FOXO1: variants seen among roughly 807,000 people sequenced by gnomAD.
FOXO1 encodes the protein forkhead box O1, also known as forkhead box protein O1.
A neutral mutation model predicts 44.1 loss-of-function variants in FOXO1; 6 were observed. The observed-to-expected ratio is 0.14, with a 90% CI of 0.07 to 0.27. FOXO1 has a LOEUF of 0.27. FOXO1 is among the 10% of genes least tolerant of loss of function. The probability of loss-of-function intolerance (pLI) is 1.00; values close to 1 mark genes in which losing one functional copy is unlikely to be tolerated. For missense variants in FOXO1, 737 were observed against 888.8 expected (o/e 0.83, Z 2.17); for synonymous variants, 380 against 362.7 (o/e 1.05, Z -0.54).
chr13:40,564,686 AAAT>A (rs1237305241), intron 1 of FOXO1, among the ~76,000 whole-genome samples: 1 of 152,160 alleles, frequency 6.6e-6, no homozygotes, highest in Non-Finnish European at 1.5e-5. Flanking sequence ...AACTCTCAAC[AAAT>A]ATTACCTGAG....
At chr13:40,664,037 G>A (rs886949226) in intron 1 of FOXO1, among the ~76,000 whole-genome samples, 4 of 152,244 alleles carry the variant, frequency 2.6e-5, no homozygotes, top group African/African-American at 9.7e-5. Flanking sequence ...CACTTTGGGA[G>A]GCCGAGGCGG....
intron 1 of FOXO1, among the ~76,000 whole-genome samples, chr13:40,630,241 C>T (rs1041065444): frequency 3.3e-5 from 5 of 152,116 alleles, no homozygotes; most frequent in African/African-American, 1.2e-4. Context: ...TCTGATTATA[C>T]AGAAAATCTC....
At chr13:40,591,977 G>C in intron 1 of FOXO1, among the ~76,000 whole-genome samples, 1 of 152,146 alleles carries the variant, frequency 6.6e-6, no homozygotes, top group East Asian at 1.9e-4. Flanking sequence ...AAAGTGCTGA[G>C]ATTACAGACG....
At chr13:40,575,073 G>A (rs138750306) in intron 1 of FOXO1, among the ~76,000 whole-genome samples, 77 of 152,024 alleles carry the variant, frequency 5.1e-4, no homozygotes, top group East Asian at 2.3e-3. Context: ...GGCTCACACC[G>A]GTAATCCCAG....
At chr13:40,573,666 T>C (rs750707519) in intron 1 of FOXO1, among the ~76,000 whole-genome samples, 6 of 152,214 alleles carry the variant, frequency 3.9e-5, no homozygotes, top group Admixed American at 3.9e-4. Flanking sequence ...GACAAGACTA[T>C]CTTTATAAAC....
At chr13:40,592,186 G>A (rs371902733) in intron 1 of FOXO1, among the ~76,000 whole-genome samples, 1 of 152,072 alleles carries the variant, frequency 6.6e-6, no homozygotes, top group South Asian at 2.1e-4. Context: ...ACCAGAATGT[G>A]CAATCCCCAT....
chr13:40,645,446 T>C (rs183162746), intron 1 of FOXO1, among the ~76,000 whole-genome samples: 2 of 152,206 alleles, frequency 1.3e-5, no homozygotes, highest in Admixed American at 1.3e-4. Context: ...TAAGGTGACT[T>C]GCATCATGTT....
At chr13:40,568,544 T>C (rs1246170436) in intron 1 of FOXO1, among the ~76,000 whole-genome samples, 4 of 152,242 alleles carry the variant, frequency 2.6e-5, no homozygotes, top group African/African-American at 9.6e-5. Flanking sequence ...ACATGACCTT[T>C]TGCCAACCCT....
rs532329998 is a variant in FOXO1 at position 40,649,788 on chromosome 13, C to A, written c.630+15795G>T. The stretch of plus-strand genomic sequence containing the variant: ...TGAGAAATTCACCATAAATTATGAG[C>A]TCCATCTGTACTGATATATTCCCTT... On this transcript the variant is annotated intron_variant, in intron 1 of 2. Transcript: ENST00000379561. Among the ~76,000 whole-genome samples the A allele has an allele frequency of 7.9e-5, 12 of 152,314 alleles. No individual in the cohort carries two copies. In the South Asian group the frequency reaches 2.3e-3, roughly 29 times the overall value.
chr13:40,570,369 T>C (rs896091999), intron 1 of FOXO1, among the ~76,000 whole-genome samples: 1 of 148,716 alleles, frequency 6.7e-6, no homozygotes, highest in African/African-American at 2.5e-5. Context: ...GGTCAAGGAG[T>C]GTAAGAACGT....
chr13:40,588,077 T>C (rs1030761503), intron 1 of FOXO1, among the ~76,000 whole-genome samples: 1 of 152,176 alleles, frequency 6.6e-6, no homozygotes, highest in Admixed American at 6.6e-5. Context: ...AAGCCCAGGA[T>C]AGAAAGGATT....
chr13:40,649,188 T>A (rs1227386729), intron 1 of FOXO1, among the ~76,000 whole-genome samples: 1 of 152,240 alleles, frequency 6.6e-6, no homozygotes, highest in African/African-American at 2.4e-5. Context: ...GTTGTCTTCA[T>A]TTCAAATCCA....
chr13:40,616,521 A>G (rs1157221296), intron 1 of FOXO1, among the ~76,000 whole-genome samples: 2 of 152,206 alleles, frequency 1.3e-5, no homozygotes, highest in Non-Finnish European at 2.9e-5. Context: ...AAGAAGAGGG[A>G]CCATGGAGGG....
rs758124765 is a variant in FOXO1 at position 40,665,670 on chromosome 13, G to C, written c.543C>G (p.Leu181=). ...TCCACTCGTAGATCTGCGACAGCGT[G>C]AGCCGCTTCTCCGCCGAGCTCTCGA... ...KAIESSAEKR[L]TLSQIYEWMV... The change falls in exon 1 of 3, where the codon CTC becomes CTG. Residue 181 remains leucine (L), a synonymous_variant. Transcript: ENST00000379561. The C allele has an allele frequency of 6.5e-7, 1 of 1,541,608 alleles. No individual in the cohort carries two copies.
At chr13:40,636,326 C>G (rs1469264474) in intron 1 of FOXO1, among the ~76,000 whole-genome samples, 1 of 152,082 alleles carries the variant, frequency 6.6e-6, no homozygotes, top group Non-Finnish European at 1.5e-5. Context: ...TCTCCATTTC[C>G]TGACCTGTAA....
intron 1 of FOXO1, among the ~76,000 whole-genome samples, chr13:40,566,169 G>C (rs1874261632): frequency 6.6e-6 from 1 of 152,190 alleles, no homozygotes; most frequent in African/African-American, 2.4e-5. Flanking sequence ...GGTTGGCAGA[G>C]CAGGGACCTC....
chr13:40,665,676 C>T lies in FOXO1; in HGVS notation c.537G>A (p.Lys179=). ...ITKAIESSAE[K]RLTLSQIYEW... ...CGTAGATCTGCGACAGCGTGAGCCG[C>T]TTCTCCGCCGAGCTCTCGATGGCCT... is the stretch of plus-strand genomic sequence containing the variant. The change falls in exon 1 of 3, where the codon AAG becomes AAA. Residue 179 remains lysine, a synonymous_variant. Transcript: ENST00000379561. The T allele has an allele frequency of 6.5e-7, 1 of 1,543,476 alleles. No individual in the cohort carries two copies. The highest frequency in any genetic ancestry group is 8.8e-7 in the Non-Finnish European group (1 of 1,139,966).
At chr13:40,589,582 A>G (rs758260415) in intron 1 of FOXO1, among the ~76,000 whole-genome samples, 14 of 152,364 alleles carry the variant, frequency 9.2e-5, no homozygotes, top group Middle Eastern at 3.4e-3. Context: ...AAAAGTGAAC[A>G]TGTTCTACTT....
At chr13:40,574,425 G>C (rs1043800003) in intron 1 of FOXO1, among the ~76,000 whole-genome samples, 1 of 152,142 alleles carries the variant, frequency 6.6e-6, no homozygotes, top group African/African-American at 2.4e-5. Flanking sequence ...GATTAAATGA[G>C]AACATGTTTG....
Sources: gnomAD v4.1 joint callset for allele counts (sites outside exome capture counted in the v4.1 genomes callset) on GRCh38, gnomAD v4.1.1 for gene constraint, MANE v1.5 for transcripts, NCBI Gene and HGNC (gene_info 2026-07-23, HGNC 2026-07-21) for gene names.